Variants in PTPRD observed in about 807,000 individuals in gnomAD.
The protein encoded by PTPRD is receptor-type tyrosine-protein phosphatase delta.
PTPRD carries 34 observed loss-of-function variants against 214.5 expected under a neutral mutation model. The observed-to-expected ratio is 0.16, with a 90% CI of 0.12 to 0.21. PTPRD has a LOEUF of 0.21. Ranked by LOEUF, PTPRD falls within the 10% of genes least tolerant of loss-of-function variation. PTPRD has a pLI of 1.00. For missense variants in PTPRD, 2,545 were observed against 2,398.7 expected (o/e 1.06, Z -1.27); for synonymous variants, 1,128 against 845.7 (o/e 1.33, Z -5.79).
chr9:8,633,021 G>C (rs2096301600), intron 14 of PTPRD, among the ~76,000 whole-genome samples: 1 of 151,822 alleles, frequency 6.6e-6, no homozygotes, highest in African/African-American at 2.4e-5. Flanking sequence ...ATATAAAAGA[G>C]TACCATATCC....
rs559519126 is a variant in PTPRD at position 10,519,076 on chromosome 9, T to C, written c.-600+93322A>G. ...TTCTGATACTACAAATCCAGCAGCA[T>C]ATCCTCATTGTCAGACGAGAAACTT... On this transcript the variant is annotated intron_variant, in intron 2 of 45. Transcript: ENST00000381196. 4.6e-5 allele frequency among the ~76,000 whole-genome samples: 7 copies of C among 152,004 alleles called. No individual in the cohort carries two copies. In the South Asian group the frequency reaches 1.0e-3, roughly 23 times the overall value.
At chr9:8,376,875 T>C (rs2083411551) in intron 37 of PTPRD, 149 bp from the exon 38 acceptor site, 1 of 984,808 alleles carries the variant, frequency 1.0e-6, no homozygotes, top group East Asian at 2.6e-5. Flanking sequence ...TCCCAATATA[T>C]GTAAATTACT....
chr9:10,258,781 G>A (rs2093476053), intron 3 of PTPRD, among the ~76,000 whole-genome samples: 1 of 151,772 alleles, frequency 6.6e-6, no homozygotes, highest in South Asian at 2.1e-4. Context: ...CAAATCCTAA[G>A]GAAAAACAAG....
intron 37 of PTPRD, among the ~76,000 whole-genome samples, chr9:8,380,867 G>C (rs1490816075): frequency 6.6e-6 from 1 of 152,010 alleles, no homozygotes. Flanking sequence ...CAATTAACTA[G>C]ATTGGCTTAT....
intron 11 of PTPRD, among the ~76,000 whole-genome samples, chr9:8,923,775 C>G (rs755117988): frequency 6.6e-6 from 1 of 152,132 alleles, no homozygotes; most frequent in African/African-American, 2.4e-5. Flanking sequence ...GCAATGAACA[C>G]CAGGACATGT....
At chr9:9,865,048 G>A (rs1005811397) in intron 5 of PTPRD, among the ~76,000 whole-genome samples, 4 of 133,280 alleles carry the variant, frequency 3.0e-5, no homozygotes, top group African/African-American at 1.4e-4. Context: ...GAAGTGTGAT[G>A]TATTTTATTG....
intron 5 of PTPRD, among the ~76,000 whole-genome samples, chr9:9,886,657 A>G (rs2071045168): frequency 6.6e-6 from 1 of 152,180 alleles, no homozygotes; most frequent in African/African-American, 2.4e-5. Context: ...CTGGGCAGGA[A>G]TGGGACTTCA....
At chr9:8,489,765 T>C (rs78530582) in intron 27 of PTPRD, among the ~76,000 whole-genome samples, 20 of 152,230 alleles carry the variant, frequency 1.3e-4, no homozygotes, top group African/African-American at 3.1e-4. Context: ...ATTGAATACA[T>C]AGTTAAAAAG....
chr9:9,606,617 A>G (rs998066799), intron 7 of PTPRD, among the ~76,000 whole-genome samples: 17 of 151,982 alleles, frequency 1.1e-4, no homozygotes, highest in African/African-American at 3.9e-4. Context: ...AATTCTGTGG[A>G]AAAGCAGCCT....
chr9:10,197,173 AC>A (rs2099401584), intron 3 of PTPRD, among the ~76,000 whole-genome samples: 1 of 151,946 alleles, frequency 6.6e-6, no homozygotes, highest in African/African-American at 2.4e-5. Context: ...GCCACTCTGC[AC>A]CCCCACCCCA....
chr9:8,671,144 A>G (rs964285220), intron 12 of PTPRD, among the ~76,000 whole-genome samples: 4 of 152,202 alleles, frequency 2.6e-5, no homozygotes, highest in Non-Finnish European at 5.9e-5. Context: ...AAACAAAATA[A>G]AGACAAAATA....
At chr9:8,429,028 T>C (rs1159378986) in intron 35 of PTPRD, among the ~76,000 whole-genome samples, 1 of 152,204 alleles carries the variant, frequency 6.6e-6, no homozygotes, top group Non-Finnish European at 1.5e-5. Context: ...GAACAAATTA[T>C]CTATGGAGAA....
At chr9:8,903,048 C>G (rs1255931709) in intron 11 of PTPRD, among the ~76,000 whole-genome samples, 1 of 151,910 alleles carries the variant, frequency 6.6e-6, no homozygotes, top group Non-Finnish European at 1.5e-5. Context: ...AATGAAACAT[C>G]AAATAGTGAA....
At chr9:10,232,292 T>C (rs564345902) in intron 3 of PTPRD, among the ~76,000 whole-genome samples, 44 of 152,026 alleles carry the variant, frequency 2.9e-4, no homozygotes, top group African/African-American at 9.6e-4. Context: ...AGGTTCTTAA[T>C]GAGATAACTG....
chr9:9,548,780 T>A (rs947692772), intron 8 of PTPRD, among the ~76,000 whole-genome samples: 5 of 152,280 alleles, frequency 3.3e-5, no homozygotes, highest in Non-Finnish European at 7.4e-5. Flanking sequence ...GAGCATATTT[T>A]ATAATGATGA....
At chr9:9,463,508 A>C (rs1334312527) in intron 8 of PTPRD, among the ~76,000 whole-genome samples, 1 of 152,066 alleles carries the variant, frequency 6.6e-6, no homozygotes, top group African/African-American at 2.4e-5. Context: ...AGGAGACCAA[A>C]ATATAACCAG....
intron 34 of PTPRD, among the ~76,000 whole-genome samples, chr9:8,445,519 A>C (rs1590699318): frequency 6.6e-6 from 1 of 152,308 alleles, no homozygotes; most frequent in East Asian, 1.9e-4. Flanking sequence ...TAATAATGAA[A>C]GTGTACAAGC....
At chr9:8,973,010 G>GAA (rs35822140) in intron 11 of PTPRD, among the ~76,000 whole-genome samples, 556 of 143,222 alleles carry the variant, frequency 3.9e-3, no homozygotes, top group East Asian at 0.012. Flanking sequence ...CCCCCAGGGA[G>GAA]AAAAAAAAAA....
chr9:9,270,419 G>A (rs753089041), intron 9 of PTPRD, among the ~76,000 whole-genome samples: 9 of 151,298 alleles, frequency 5.9e-5, no homozygotes, highest in Non-Finnish European at 1.3e-4. Context: ...GCAAGCCAAT[G>A]TTGGGAAAAA....
Sources: gnomAD v4.1 joint callset for allele counts (sites outside exome capture counted in the v4.1 genomes callset) on GRCh38, gnomAD v4.1.1 for gene constraint, MANE v1.5 for transcripts, NCBI Gene and HGNC (gene_info 2026-07-23, HGNC 2026-07-21) for gene names.